Variants in DENND2B observed in about 807,000 individuals in gnomAD.
The protein encoded by DENND2B is DENN domain-containing protein 2B.
In DENND2B, 32 loss-of-function variants were observed where a neutral mutation model predicts 116.0. That is an observed-to-expected ratio of 0.28 (90% CI 0.21 to 0.37). The LOEUF (loss-of-function observed/expected upper bound fraction) is 0.37, where lower values mean the gene tolerates loss of function less well. Ranked by LOEUF, DENND2B falls within the 10% of genes least tolerant of loss-of-function variation. The pLI is 1.00. For synonymous variants in DENND2B, 588 were observed against 583.9 expected (o/e 1.01, Z -0.10); for missense variants, 1,276 against 1,477.7 (o/e 0.86, Z 2.24).
intron 4 of DENND2B, among the ~76,000 whole-genome samples, chr11:8,724,951 A>G (rs749415296): frequency 2.6e-5 from 4 of 152,194 alleles, no homozygotes; most frequent in Non-Finnish European, 4.4e-5. Context: ...TGCAGCTTCC[A>G]CCTGGGCCTT....
intron 1 of DENND2B, among the ~76,000 whole-genome samples, chr11:8,755,811 T>C (rs1048429831): frequency 2.0e-5 from 3 of 152,130 alleles, no homozygotes; most frequent in African/African-American, 7.2e-5. Context: ...TCTATATTAA[T>C]AGCATAACAT....
At position 8,832,218 on chromosome 11, in the gene DENND2B, C is replaced by T. The variant is rs111966663; in HGVS notation, c.-115+7092G>A. 5.8e-3 allele frequency among the ~76,000 whole-genome samples: 882 copies of T among 152,138 alleles called. 12 individuals carry two copies. The highest frequency in any genetic ancestry group is 0.02 in the African/African-American group (841 of 41,506). On this transcript the variant is annotated intron_variant, in intron 4 of 6. Transcript: ENST00000524757. ...CTGTAATCCCAGCACTATTGGAAGC[C>T]GAGGTGGGCGGATCACAAGGTCAAG...
intron 13 of DENND2B, among the ~76,000 whole-genome samples, chr11:8,705,418 C>T (rs946468050): frequency 6.6e-5 from 10 of 152,156 alleles, no homozygotes; most frequent in Admixed American, 4.6e-4. Flanking sequence ...GTTCCTGATC[C>T]GGATCACGGC....
rs779751872 is a variant in DENND2B at position 8,731,179 on chromosome 11, G to A, written c.111C>T (p.Leu37=). The A allele has an allele frequency of 3.9e-6, 6 of 1,528,474 alleles. No homozygotes were observed. The highest frequency in any genetic ancestry group is 4.5e-5 in the East Asian group (2 of 44,106). The allele number at this position is 1,528,474 out of a possible 1,614,324, so 94.7% of individuals were successfully genotyped here. Residue 37 remains leucine, a synonymous_variant, in exon 3 of 20, where the codon CTC becomes CTT. Transcript: ENST00000313726. The part of the protein sequence containing the change: ...RSQSVSPPPV[L]SPPRSPIYPL... ...GGTAGATGGGACTCCTTGGTGGGGA[G>A]AGAACTGGAGGTGGAGAGACTGACT...
intron 1 of DENND2B, among the ~76,000 whole-genome samples, chr11:8,905,393 C>T (rs2134767535): frequency 6.6e-6 from 1 of 152,008 alleles, no homozygotes; most frequent in Non-Finnish European, 1.5e-5. Context: ...AAAATTAATG[C>T]AAAATGGCAT....
intron 1 of DENND2B, among the ~76,000 whole-genome samples, chr11:8,888,087 G>C (rs571568587): frequency 1.3e-5 from 2 of 152,330 alleles, no homozygotes; most frequent in South Asian, 4.1e-4. Flanking sequence ...AGCAGCATCT[G>C]TCTGATGTAA....
intron 3 of DENND2B, among the ~76,000 whole-genome samples, chr11:8,850,081 G>C (rs1052237298): frequency 1.3e-5 from 2 of 152,178 alleles, no homozygotes; most frequent in African/African-American, 4.8e-5. Context: ...GCTGCAGTGA[G>C]CTGTGATCGT....
At chr11:8,749,342 C>A (rs1593123005) in intron 2 of DENND2B, among the ~76,000 whole-genome samples, 1 of 152,326 alleles carries the variant, frequency 6.6e-6, no homozygotes, top group East Asian at 1.9e-4. Flanking sequence ...GCCACCAAGC[C>A]CAGTCTAAAT....
chr11:8,885,010 A>G (rs1260134960), intron 1 of DENND2B, among the ~76,000 whole-genome samples: 1 of 152,184 alleles, frequency 6.6e-6, no homozygotes, highest in East Asian at 1.9e-4. Context: ...CCAACTCTGG[A>G]TATTTGCTCA....
At chr11:8,812,966 T>C (rs570623601), upstream of DENND2B, among the ~76,000 whole-genome samples, 1 of 152,290 alleles carries the variant, frequency 6.6e-6, no homozygotes, top group East Asian at 1.9e-4. Flanking sequence ...TATTTATTTA[T>C]TGACACGAGG....
At position 8,767,303 on chromosome 11, in the gene DENND2B, C is replaced by T. The variant is rs150746979; in HGVS notation, c.-25-16578G>A. 1.4e-3 allele frequency among the ~76,000 whole-genome samples: 213 copies of T among 152,102 alleles called. 1 individual carries two copies. The highest frequency in any genetic ancestry group is 4.9e-3 in the African/African-American group (203 of 41,500). On this transcript the variant is annotated intron_variant, in intron 1 of 19. Coordinates refer to ENST00000313726, the MANE Select transcript of DENND2B (RefSeq NM_213618.2). ...CCCTGGAGAAGAGAAGGCTGTGGAG[C>T]GGGGAGGGTGATCATTGGCTTGGGA...
intron 4 of DENND2B, among the ~76,000 whole-genome samples, chr11:8,721,088 A>G (rs1357456521): frequency 2.0e-5 from 3 of 152,020 alleles, no homozygotes; most frequent in Non-Finnish European, 4.4e-5. Context: ...CCAGCTGGAG[A>G]AGCCAGAGGT....
At chr11:8,699,528 T>C (rs1592332895) in intron 14 of DENND2B, 138 bp from the exon 15 acceptor site, 1 of 814,424 alleles carries the variant, frequency 1.2e-6, no homozygotes, top group South Asian at 1.9e-5. Context: ...CCCTGCAGAC[T>C]GGTAAAGTCC....
At chr11:8,719,039 G>C in intron 4 of DENND2B, 1 of 985,664 alleles carries the variant, frequency 1.0e-6, no homozygotes, top group Non-Finnish European at 1.2e-6. Context: ...TCAGCAGCAG[G>C]ATTGAGCCTG....
chr11:8,749,910 G>A (rs927582290), intron 2 of DENND2B, among the ~76,000 whole-genome samples: 37 of 152,172 alleles, frequency 2.4e-4, no homozygotes, highest in Non-Finnish European at 2.9e-5. Context: ...TGAGAGTACT[G>A]TGCATCTATC....
At chr11:8,771,271 A>G (rs901687194) in intron 1 of DENND2B, among the ~76,000 whole-genome samples, 1 of 152,124 alleles carries the variant, frequency 6.6e-6, no homozygotes, top group African/African-American at 2.4e-5. Flanking sequence ...TGCTCTCAGC[A>G]GACAAGGGGA....
intron 16 of DENND2B, among the ~76,000 whole-genome samples, chr11:8,698,361 T>C (rs2040836028): frequency 6.6e-6 from 1 of 152,156 alleles, no homozygotes; most frequent in Non-Finnish European, 1.5e-5. Context: ...TCTGTTTCTG[T>C]GTCCACATCA....
intron 1 of DENND2B, among the ~76,000 whole-genome samples, chr11:8,792,646 A>C (rs2059485310): frequency 1.3e-5 from 2 of 152,256 alleles, no homozygotes; most frequent in African/African-American, 4.8e-5. Flanking sequence ...ACAAAGGAAT[A>C]AAATCAACTA....
At chr11:8,814,035 C>T (rs557189532), upstream of DENND2B, among the ~76,000 whole-genome samples, 1 of 152,282 alleles carries the variant, frequency 6.6e-6, no homozygotes, top group African/African-American at 2.4e-5. Context: ...GGCCTGCAAG[C>T]ATACATGTGC....
Sources: allele counts gnomAD v4.1 joint callset (sites outside exome capture counted in the v4.1 genomes callset), GRCh38; gene constraint gnomAD v4.1.1; transcripts MANE v1.5; gene names NCBI Gene and HGNC (gene_info 2026-07-23, HGNC 2026-07-21).